NAA30: variants seen among roughly 807,000 people sequenced by gnomAD.
NAA30 encodes the protein N-alpha-acetyltransferase 30, NatC catalytic subunit.
Under a neutral mutation model 31.4 loss-of-function variants are expected in NAA30, and 5 were observed. That is an observed-to-expected ratio of 0.16 (90% CI 0.08 to 0.33). The LOEUF is 0.33. NAA30 is among the 10% of genes least tolerant of loss of function. NAA30 has a pLI of 1.00. For synonymous variants in NAA30, 222 were observed against 207.1 expected (o/e 1.07, Z -0.62); for missense variants, 428 against 490.8 (o/e 0.87, Z 1.21).
intron 4 of NAA30, among the ~76,000 whole-genome samples, chr14:57,406,094 G>A (rs185841531): frequency 6.6e-6 from 1 of 152,180 alleles, no homozygotes; most frequent in Admixed American, 6.5e-5. Context: ...TTTTTCTGTT[G>A]TGTCAAATAA....
In NAA30 at chr14:57,391,122, C is replaced by T. The variant is rs757628666; in HGVS notation, c.165C>T (p.Ser55=). 92 of 1,577,448 alleles carry T rather than the reference C, an allele frequency of 5.8e-5. No homozygotes were observed. Among genetic ancestry groups the T allele is most frequent in the Non-Finnish European group, 5.9e-5 (69 of 1,165,386 alleles). ...DEEHEGGGSR[S]PAGGESATVA... ...AGCACGAAGGCGGCGGCAGCAGGAG[C>T]CCGGCGGGCGGAGAGTCGGCGACGG... Residue 55 remains serine, a synonymous_variant, in exon 2 of 5, where the codon AGC becomes AGT. Coordinates refer to ENST00000556492, the MANE Select transcript of NAA30 (RefSeq NM_001011713.3). This position sits in a 1 kb window ranked among gnomAD's most constrained non-coding sequence, Gnocchi z 4.1.
In NAA30 at chr14:57,399,873, A is replaced by C. The variant is rs765284310; in HGVS notation, c.941A>C (p.Asp314Ala). The C allele has an allele frequency of 6.6e-7, 1 of 1,526,222 alleles. No homozygotes were observed. Among genetic ancestry groups the C allele is most frequent in the Non-Finnish European group, 9.1e-7 (1 of 1,103,362 alleles). 94.5% of individuals were successfully genotyped at this position (1,526,222 alleles called of 1,614,324 possible). A position where few individuals can be genotyped will look rare whatever the true frequency, so the allele number is the denominator to read the frequency against. ...GCTATATATGCCATGGTTGAGGGAGACTGTGATGAGGTAAGTCTTTAAAAA... is the reference window on the plus strand; with the variant it reads ...GCTATATATGCCATGGTTGAGGGAGCCTGTGATGAGGTAAGTCTTTAAAAA... ...KKAIYAMVEGDCDEVVLETEI... is the reference protein window; with the variant it reads ...KKAIYAMVEGACDEVVLETEI... Residue 314 changes from aspartate to alanine, a missense_variant, in exon 4 of 5, where the codon GAC (aspartate) becomes GCC (alanine). Transcript: ENST00000556492.
intron 1 of NAA30, 86 bp from the exon 2 acceptor site, chr14:57,390,871 C>T (rs2066423453): frequency 7.2e-7 from 1 of 1,389,580 alleles, no homozygotes; most frequent in Non-Finnish European, 9.4e-7. Context: ...CCCCCCACCT[C>T]GGCCGCCCCC....
At chr14:57,399,962 T>A in intron 4 of NAA30, 79 bp downstream of exon 4, 2 of 740,150 alleles carry the variant, frequency 2.7e-6, no homozygotes, top group Admixed American at 5.0e-5. Context: ...TTTTATAATT[T>A]ATTGCAGATT....
At chr14:57,406,720 T>G (rs2066499590) in intron 4 of NAA30, among the ~76,000 whole-genome samples, 2 of 152,232 alleles carry the variant, frequency 1.3e-5, no homozygotes, top group South Asian at 4.1e-4. Flanking sequence ...ATTAAATTGC[T>G]TTGATTCAAC....
At chr14:57,394,110 TAAAAAAAA>T (rs11326184) in intron 2 of NAA30, among the ~76,000 whole-genome samples, 1 of 137,286 alleles carries the variant, frequency 7.3e-6, no homozygotes, top group Non-Finnish European at 1.6e-5. Context: ...GTAAAAGATG[TAAAAAAAA>T]AAAAAAAAAA....
Position 57,409,402 on chromosome 14 carries a change from A to G in NAA30, c.975A>G (p.Thr325=). Residue 325 remains threonine, a synonymous_variant, in exon 5 of 5, where the codon ACA becomes ACG. Transcript: ENST00000556492. ...AGGTTGTTTTGGAAACCGAAATAAC[A>G]AATAAGTCCGCTTTGAAACTTTATG... ...CDEVVLETEI[T]NKSALKLYEN... is the part of the protein sequence containing the mutation. 1 of 1,605,578 alleles carries G rather than the reference A, an allele frequency of 6.2e-7. No homozygotes were observed. Among genetic ancestry groups the G allele is most frequent in the Non-Finnish European group, 8.5e-7 (1 of 1,176,678 alleles).
Position 57,412,979 on chromosome 14 carries a change from T to A in NAA30, c.*3463T>A, listed in dbSNP as rs1021932761. On this transcript the variant is annotated 3_prime_UTR_variant, in exon 5 of 5. Coordinates refer to ENST00000556492, the MANE Select transcript of NAA30 (RefSeq NM_001011713.3). ...TTTCTAAAAGTACTCAGTCAACTCA[T>A]ATGTCAGTTATCGGTACATTTTCCA... 6 of 152,238 alleles carry A rather than the reference T, an allele frequency of 3.9e-5. No homozygotes were observed. The highest frequency in any genetic ancestry group is 1.4e-4 in the African/African-American group (6 of 41,468). 9.4% of individuals were successfully genotyped at this position (152,238 alleles called of 1,614,324 possible). A position where few individuals can be genotyped will look rare whatever the true frequency, so the allele number is the denominator to read the frequency against.
At chr14:57,401,311 T>C (rs983008705) in intron 4 of NAA30, among the ~76,000 whole-genome samples, 1 of 152,170 alleles carries the variant, frequency 6.6e-6, no homozygotes, top group Non-Finnish European at 1.5e-5. Flanking sequence ...CCTACAGACA[T>C]AGTGGGTGGC....
At chr14:57,403,234 G>A (rs1158216365) in intron 4 of NAA30, among the ~76,000 whole-genome samples, 44 of 136,484 alleles carry the variant, frequency 3.2e-4, no homozygotes, top group African/African-American at 8.3e-4. Context: ...TCCGTGGCCG[G>A]AAAAAAAAAA....
intron 2 of NAA30, among the ~76,000 whole-genome samples, chr14:57,395,210 G>A (rs747935661): frequency 3.3e-5 from 5 of 152,090 alleles, no homozygotes; most frequent in African/African-American, 4.8e-5. Context: ...ATGAATTAGC[G>A]TGGGTTGTTG....
In NAA30 at chr14:57,391,327, G is replaced by A; in HGVS notation, c.370G>A (p.Ala124Thr). Residue 124 changes from alanine to threonine, a missense_variant, in exon 2 of 5, where the codon GCG (alanine) becomes ACG (threonine). Transcript: ENST00000556492. This position sits in a 1 kb window ranked among gnomAD's most constrained non-coding sequence, Gnocchi z 4.1. ...TTATPDGGPR[A>T]TATKGAGVHS... ...AGCCACCCCTGACGGAGGCCCCAGA[G>A]CGACTGCAACAAAAGGAGCCGGGGT... The A allele has an allele frequency of 6.2e-7, 1 of 1,611,834 alleles. No individual in the cohort carries two copies. Among genetic ancestry groups the A allele is most frequent in the Non-Finnish European group, 8.5e-7 (1 of 1,179,536 alleles).
Position 57,391,034 on chromosome 14 carries a change from G to A in NAA30, c.77G>A (p.Arg26His), listed in dbSNP as rs1475133455. The change falls in exon 2 of 5, where the codon CGC becomes CAC. Residue 26 changes from arginine to histidine, a missense_variant. Arg to His is a conservative substitution (Grantham distance 29). Coordinates refer to ENST00000556492, the MANE Select transcript of NAA30 (RefSeq NM_001011713.3). The surrounding 1 kb of genome is among the most constrained non-coding windows in gnomAD (Gnocchi z 4.1). ...APPAPAAVEPRCPFPAGAALA... is the reference protein window; with the variant it reads ...APPAPAAVEPHCPFPAGAALA... ...CCGGCCCCGGCGGCGGTCGAGCCCC[G>A]CTGTCCCTTCCCGGCGGGGGCCGCC... 5 of 1,510,702 alleles carry A rather than the reference G, an allele frequency of 3.3e-6. No individual in the cohort carries two copies. Among genetic ancestry groups the A allele is most frequent in the Non-Finnish European group, 4.4e-6 (5 of 1,137,324 alleles). 93.6% of individuals were successfully genotyped at this position (1,510,702 alleles called of 1,614,324 possible). A position where few individuals can be genotyped will look rare whatever the true frequency, so the allele number is the denominator to read the frequency against.
rs1029656503 is a variant in NAA30, at chr14:57,415,091, T to A, written c.*5575T>A. On this transcript the variant is annotated 3_prime_UTR_variant, in exon 5 of 5. Coordinates refer to ENST00000556492, the MANE Select transcript of NAA30 (RefSeq NM_001011713.3). Reference sequence around the variant, plus strand: ...TATCTTAATTTTCTAATACCTCAGTTTCATGAGAACTGTATGTACATTTTT... The same window carrying A: ...TATCTTAATTTTCTAATACCTCAGTATCATGAGAACTGTATGTACATTTTT... 1 of 152,198 alleles carries A rather than the reference T, an allele frequency of 6.6e-6. No homozygotes were observed. The highest frequency in any genetic ancestry group is 2.4e-5 in the African/African-American group (1 of 41,466). 9.4% of individuals were successfully genotyped at this position (152,198 alleles called of 1,614,324 possible).
At position 57,409,857 on chromosome 14, in the gene NAA30, T is replaced by C. The variant is rs11625443; in HGVS notation, c.*341T>C. The C allele has an allele frequency of 0.75, 139,470 of 186,790 alleles. 58,340 individuals carry two copies. Among genetic ancestry groups the C allele is most frequent in the Non-Finnish European group, 0.89 (81,407 of 91,182 alleles). The allele number at this position is 186,790 out of a possible 1,614,324, so 11.6% of individuals were successfully genotyped here. A position where few individuals can be genotyped will look rare whatever the true frequency, so the allele number is the denominator to read the frequency against. ...GTAAGTGGAACATAATTTTTGTTCC[T>C]TAAAAAAGCCAATGTGGATTGTAAA... is the stretch of plus-strand genomic sequence containing the variant. On this transcript the variant is annotated 3_prime_UTR_variant, in exon 5 of 5. Coordinates refer to ENST00000556492, the MANE Select transcript of NAA30 (RefSeq NM_001011713.3).
At position 57,411,743 on chromosome 14, in the gene NAA30, A is replaced by G. The variant is rs2066523765; in HGVS notation, c.*2227A>G. 1 of 152,152 alleles carries G rather than the reference A, an allele frequency of 6.6e-6. No homozygotes were observed. Among genetic ancestry groups the G allele is most frequent in the Non-Finnish European group, 1.5e-5 (1 of 68,012 alleles). 9.4% of individuals were successfully genotyped at this position (152,152 alleles called of 1,614,324 possible). ...GCCTTATGTCTTTAATTGGGTATGC[A>G]AAAAAATTTTTACTTAAGTAGATTA... On this transcript the variant is annotated 3_prime_UTR_variant, in exon 5 of 5. Coordinates refer to ENST00000556492, the MANE Select transcript of NAA30 (RefSeq NM_001011713.3).
In NAA30 at chr14:57,390,972, G is replaced by T. The variant is rs376179677; in HGVS notation, c.15G>T (p.Pro5=). 13 of 1,483,830 alleles carry T rather than the reference G, an allele frequency of 8.8e-6. No homozygotes were observed. The Admixed American group carries it at 1.8e-4, about 21-fold the overall frequency. 91.9% of individuals were successfully genotyped at this position (1,483,830 alleles called of 1,614,324 possible). The change falls in exon 2 of 5, where the codon CCG becomes CCT. Residue 5 remains proline, a synonymous_variant. Coordinates refer to ENST00000556492, the MANE Select transcript of NAA30 (RefSeq NM_001011713.3). MAEV[P]PGPSSLLPPP... ...TCGCTTCTAGGATGGCGGAGGTACC[G>T]CCTGGGCCTAGCAGCCTCCTCCCAC...
chr14:57,414,626 G>A lies in NAA30; in HGVS notation c.*5110G>A, dbSNP rs1455228714. ...TTTTTAACCTCCAAGATCCACTTAT[G>A]GGGATGAGGCCAAAGGCCAATGTTA... On this transcript the variant is annotated 3_prime_UTR_variant, in exon 5 of 5. Transcript: ENST00000556492. 3 of 152,202 alleles carry A rather than the reference G, an allele frequency of 2.0e-5. No individual in the cohort carries two copies. Among genetic ancestry groups the A allele is most frequent in the Non-Finnish European group, 4.4e-5 (3 of 68,026 alleles). 9.4% of individuals were successfully genotyped at this position (152,202 alleles called of 1,614,324 possible). A position where few individuals can be genotyped will look rare whatever the true frequency, so the allele number is the denominator to read the frequency against.
chr14:57,407,548 A>T (rs941445469), intron 4 of NAA30, among the ~76,000 whole-genome samples: 7 of 152,208 alleles, frequency 4.6e-5, no homozygotes, highest in African/African-American at 1.7e-4. Flanking sequence ...GACAGAAAAC[A>T]GTTTATTTGA....
Sources: gnomAD v4.1 joint callset for allele counts (sites outside exome capture counted in the v4.1 genomes callset) on GRCh38, gnomAD v4.1.1 for gene constraint, Gnocchi (gnomAD v3.1) non-coding constraint, MANE v1.5 for transcripts, NCBI Gene and HGNC (gene_info 2026-07-23, HGNC 2026-07-21) for gene names.